PDCD1LG2: variants seen among roughly 807,000 people sequenced by gnomAD.
The protein encoded by PDCD1LG2 is B7 dendritic cell molecule.
A neutral mutation model predicts 28.2 loss-of-function variants in PDCD1LG2; 32 were observed. That is an observed-to-expected ratio of 1.13 (90% confidence interval 0.86 to 1.52). The LOEUF (loss-of-function observed/expected upper bound fraction) is 1.52. PDCD1LG2 is among the 40% of genes most tolerant of loss of function. PDCD1LG2 has a pLI of 0.00. For missense variants in PDCD1LG2, 385 were observed against 323.8 expected (o/e 1.19, Z -1.45); for synonymous variants, 116 against 120.2 (o/e 0.97, Z 0.23).
intron 2 of PDCD1LG2, among the ~76,000 whole-genome samples, chr9:5,531,428 A>G (rs1342727549): frequency 6.6e-6 from 1 of 152,222 alleles, no homozygotes; most frequent in Non-Finnish European, 1.5e-5. Flanking sequence ...TCTTCTAGGT[A>G]TTCTGAGCTA....
Position 5,534,780 on chromosome 9 carries a change from A to G in PDCD1LG2, c.91A>G (p.Ile31Val). Reference sequence around the variant, plus strand: ...AGTGACAGTCCCTAAGGAACTGTACATAATAGAGCATGGCAGCAATGTGAC... The same window carrying G: ...AGTGACAGTCCCTAAGGAACTGTACGTAATAGAGCATGGCAGCAATGTGAC... ...FTVTVPKELY[I>V]IEHGSNVTLE... Residue 31 changes from isoleucine to valine, a missense_variant, in exon 3 of 7, where the codon ATA (isoleucine) becomes GTA (valine). Physicochemically the swap from Ile to Val is conservative, Grantham distance 29 (BLOSUM62 3). Transcript: ENST00000397747. 3 of 1,613,984 alleles carry G rather than the reference A, an allele frequency of 1.9e-6. No individual in the cohort carries two copies. Among genetic ancestry groups the G allele is most frequent in the Non-Finnish European group, 2.5e-6 (3 of 1,179,884 alleles).
intron 1 of PDCD1LG2, among the ~76,000 whole-genome samples, chr9:5,518,340 G>A (rs1172224178): frequency 2.0e-5 from 3 of 152,208 alleles, no homozygotes; most frequent in African/African-American, 4.8e-5. Flanking sequence ...TTGCTCAAGG[G>A]GACAGTGTGC....
intron 3 of PDCD1LG2, among the ~76,000 whole-genome samples, chr9:5,541,289 C>G (rs1251993241): frequency 6.6e-6 from 1 of 152,098 alleles, no homozygotes; most frequent in Non-Finnish European, 1.5e-5. Context: ...AGCATTTTCC[C>G]TGAGAATTGG....
intron 3 of PDCD1LG2, among the ~76,000 whole-genome samples, chr9:5,547,996 TG>T (rs1385300002): frequency 6.6e-6 from 1 of 151,716 alleles, no homozygotes; most frequent in East Asian, 1.9e-4. Context: ...ATCACCAAGT[TG>T]TTTTTTTGTG....
In PDCD1LG2 at chr9:5,549,526, C is replaced by T. The variant is rs765120301; in HGVS notation, c.553C>T (p.Pro185Ser). The change falls in exon 4 of 7, where the codon CCC becomes TCC. Residue 185 changes from proline to serine, a missense_variant. Physicochemically the swap from Pro to Ser is moderately conservative, Grantham distance 74 (BLOSUM62 -1). Coordinates refer to ENST00000397747, the MANE Select transcript of PDCD1LG2 (RefSeq NM_025239.4). Reference sequence around the variant, plus strand: ...CACCAGTGTTCTGCGCCTAAAGCCACCCCCTGGCAGAAACTTCAGCTGTGT... The same window carrying T: ...CACCAGTGTTCTGCGCCTAAAGCCATCCCCTGGCAGAAACTTCAGCTGTGT... ...QVTSVLRLKP[P>S]PGRNFSCVFW... The T allele has an allele frequency of 1.2e-6, 2 of 1,614,204 alleles. No individual in the cohort carries two copies. The highest frequency in any genetic ancestry group is 1.1e-5 in the South Asian group (1 of 91,082).
chr9:5,520,579 G>T (rs762237134), intron 1 of PDCD1LG2, among the ~76,000 whole-genome samples: 16 of 152,062 alleles, frequency 1.1e-4, no homozygotes, highest in Non-Finnish European at 1.9e-4. Flanking sequence ...TTGTGACCTT[G>T]ACTAGGCAAT....
intron 1 of PDCD1LG2, among the ~76,000 whole-genome samples, chr9:5,520,285 T>TTA (rs1318843141): frequency 6.6e-6 from 1 of 152,188 alleles, no homozygotes; most frequent in Non-Finnish European, 1.5e-5. Flanking sequence ...AAATACATCC[T>TTA]TATATATATG....
intron 3 of PDCD1LG2, among the ~76,000 whole-genome samples, chr9:5,543,014 C>T (rs1820716244): frequency 6.6e-6 from 1 of 151,940 alleles, no homozygotes; most frequent in Non-Finnish European, 1.5e-5. Context: ...TATATATATA[C>T]ACCATGGAAT....
intron 1 of PDCD1LG2, among the ~76,000 whole-genome samples, chr9:5,517,024 C>T (rs1264406658): frequency 1.3e-5 from 2 of 152,222 alleles, no homozygotes; most frequent in East Asian, 3.8e-4. Context: ...GGCCACACCT[C>T]CACTGCTGCA....
At chr9:5,561,339 C>T (rs2129938643) in intron 5 of PDCD1LG2, among the ~76,000 whole-genome samples, 1 of 152,286 alleles carries the variant, frequency 6.6e-6, no homozygotes, top group Middle Eastern at 3.4e-3. Context: ...TTACAAACTT[C>T]TCATTTAATT....
At chr9:5,529,607 C>T (rs1820443319) in intron 2 of PDCD1LG2, among the ~76,000 whole-genome samples, 1 of 151,878 alleles carries the variant, frequency 6.6e-6, no homozygotes, top group South Asian at 2.1e-4. Flanking sequence ...ATTTTTTATA[C>T]CTTGTCATGT....
At chr9:5,517,173 T>C (rs191467316) in intron 1 of PDCD1LG2, among the ~76,000 whole-genome samples, 1 of 152,158 alleles carries the variant, frequency 6.6e-6, no homozygotes, top group African/African-American at 2.4e-5. Context: ...GACTAAGGAT[T>C]GTTGGGAATG....
chr9:5,571,156 T>C lies in PDCD1LG2; in HGVS notation c.*1197T>C, dbSNP rs1816760599. On this transcript the variant is annotated 3_prime_UTR_variant, in exon 7 of 7. Transcript: ENST00000397747. Reference sequence around the variant, plus strand: ...TGGGGCTTATGAGAATGAAAGGGTGTGAAATTGACTAACAGACAAATCATA... The same window carrying C: ...TGGGGCTTATGAGAATGAAAGGGTGCGAAATTGACTAACAGACAAATCATA... The C allele has an allele frequency of 1.7e-5, 4 of 232,734 alleles. No individual in the cohort carries two copies. Among genetic ancestry groups the C allele is most frequent in the Admixed American group, 1.1e-4 (2 of 17,766 alleles). 14.4% of individuals were successfully genotyped at this position (232,734 alleles called of 1,614,324 possible).
intron 6 of PDCD1LG2, among the ~76,000 whole-genome samples, chr9:5,565,947 A>G (rs1563835471): frequency 6.6e-6 from 1 of 152,212 alleles, no homozygotes; most frequent in Non-Finnish European, 1.5e-5. Flanking sequence ...AAAGAAAACA[A>G]AAATAATTTA....
At position 5,510,812 on chromosome 9, in the gene PDCD1LG2, C is replaced by T. The variant is rs201447041; in HGVS notation, c.-15+9C>T. On this transcript the variant is annotated intron_variant, in intron 1 of 6. Coordinates refer to ENST00000397747, the MANE Select transcript of PDCD1LG2 (RefSeq NM_025239.4). ...CTGTGGCAAGTCCTCATGTGAGTAACGAGTGGGTTGAGATACTCTCATACT... is the reference window on the plus strand; with the variant it reads ...CTGTGGCAAGTCCTCATGTGAGTAATGAGTGGGTTGAGATACTCTCATACT... The T allele has an allele frequency of 6.6e-6, 1 of 150,932 alleles. No homozygotes were observed. Among genetic ancestry groups the T allele is most frequent in the Non-Finnish European group, 1.5e-5 (1 of 67,844 alleles). 9.3% of individuals were successfully genotyped at this position (150,932 alleles called of 1,614,324 possible).
chr9:5,542,345 TTAAAC>T (rs1369511732), intron 3 of PDCD1LG2, among the ~76,000 whole-genome samples: 1 of 150,556 alleles, frequency 6.6e-6, no homozygotes, highest in African/African-American at 2.5e-5. Flanking sequence ...AGGGACTTAA[TTAAAC>T]TAAAAAGCTT....
rs1816750810 is a variant in PDCD1LG2, at chr9:5,570,537, A to G, written c.*578A>G. The G allele has an allele frequency of 4.3e-6, 1 of 233,068 alleles. No individual in the cohort carries two copies. The highest frequency in any genetic ancestry group is 8.5e-6 in the Non-Finnish European group (1 of 117,958). 14.4% of individuals were successfully genotyped at this position (233,068 alleles called of 1,614,324 possible). A position where few individuals can be genotyped will look rare whatever the true frequency, so the allele number is the denominator to read the frequency against. On this transcript the variant is annotated 3_prime_UTR_variant, in exon 7 of 7. Coordinates refer to ENST00000397747, the MANE Select transcript of PDCD1LG2 (RefSeq NM_025239.4). ...TCTAATTAACAGAGAGCATTTAAAT[A>G]TACACTAAGTGCACAAATTGTGGAG...
At chr9:5,537,333 G>A (rs1039022084) in intron 3 of PDCD1LG2, among the ~76,000 whole-genome samples, 2 of 151,968 alleles carry the variant, frequency 1.3e-5, no homozygotes, top group African/African-American at 2.4e-5. Flanking sequence ...ATGGTTCTTC[G>A]GATTCATGAA....
At chr9:5,548,932 C>A (rs1161004318) in intron 3 of PDCD1LG2, among the ~76,000 whole-genome samples, 2 of 152,114 alleles carry the variant, frequency 1.3e-5, no homozygotes, top group African/African-American at 2.4e-5. Flanking sequence ...TTCTGGCCTC[C>A]AATTGTGAAA....
Sources: allele counts gnomAD v4.1 joint callset (sites outside exome capture counted in the v4.1 genomes callset), GRCh38; gene constraint gnomAD v4.1.1; transcripts MANE v1.5; gene names NCBI Gene and HGNC (gene_info 2026-07-23, HGNC 2026-07-21).